The following CELF2 variants were observed in gnomAD, a reference collection of about 807,000 sequenced individuals.
The protein encoded by CELF2 is CUGBP Elav-like family member 2.
A neutral mutation model predicts 62.6 loss-of-function variants in CELF2; 8 were observed. That is an observed-to-expected ratio of 0.13 (90% confidence interval 0.07 to 0.23). CELF2 has a LOEUF of 0.23. CELF2 is among the 10% of genes least tolerant of loss of function. CELF2 has a pLI of 1.00. For missense variants in CELF2, 333 were observed against 671.0 expected, an observed-to-expected ratio of 0.50 and a Z score of 5.56; for synonymous variants, 258 against 250.0, an observed-to-expected ratio of 1.03 and a Z score of -0.30.
rs1405745517 is a variant in CELF2 at position 11,148,069 on chromosome 10, C to T, written c.75-17417C>T. On this transcript the variant is annotated intron_variant, in intron 1 of 12. Transcript: ENST00000633077. ...CTTGTTTATTTGCATAAATGAACAG[C>T]CATGAAAGTGACCCCAGTCCGGCAA... is the stretch of plus-strand genomic sequence containing the variant. Among the ~76,000 whole-genome samples, 4 of 152,220 alleles carry T rather than the reference C, an allele frequency of 2.6e-5. No homozygotes were observed. In the East Asian group the frequency reaches 5.8e-4, roughly 22 times the overall value.
chr10:11,013,711 C>T (rs148274115), upstream of CELF2, among the ~76,000 whole-genome samples: 287 of 152,210 alleles, frequency 1.9e-3, 1 homozygote, highest in Non-Finnish European at 3.4e-3. The surrounding 1 kb of genome is among the most constrained non-coding windows in gnomAD (Gnocchi z 4.1). Flanking sequence ...TTACTTAAAT[C>T]GCCTTAGAAA....
At chr10:10,804,286 T>TAAAC (rs748767792) in intron 1 of CELF2, among the ~76,000 whole-genome samples, 396 of 152,354 alleles carry the variant, frequency 2.6e-3, no homozygotes, top group Non-Finnish European at 4.6e-3. Flanking sequence ...AGATGGTATG[T>TAAAC]AAACAGCTTG....
intron 1 of CELF2, among the ~76,000 whole-genome samples, chr10:11,116,381 A>G (rs1205009631): frequency 6.6e-6 from 1 of 152,232 alleles, no homozygotes; most frequent in Admixed American, 6.5e-5. Flanking sequence ...TAACATGGTC[A>G]AGAAGCCTGT....
At chr10:10,792,682 T>C in the CELF2 span, among the ~76,000 whole-genome samples, 1 of 152,232 alleles carries the variant, frequency 6.6e-6, no homozygotes, top group East Asian at 1.9e-4. Flanking sequence ...GGTATTCCTT[T>C]GTCCCTGTGG....
At chr10:10,666,737 C>CT in the CELF2 span, among the ~76,000 whole-genome samples, 1 of 122,672 alleles carries the variant, frequency 8.2e-6, no homozygotes, top group East Asian at 2.1e-4. Context: ...TAGCGGGCGC[C>CT]TGTAGTCCCA....
intron 1 of CELF2, among the ~76,000 whole-genome samples, chr10:10,913,500 C>T (rs968352268): frequency 5.9e-5 from 8 of 136,512 alleles, no homozygotes; most frequent in Non-Finnish European, 1.1e-4. Flanking sequence ...AAGCGATTCT[C>T]CTGCCTCAGC....
At chr10:10,558,504 G>C in the CELF2 span, among the ~76,000 whole-genome samples, 339 of 145,684 alleles carry the variant, frequency 2.3e-3, no homozygotes, top group African/African-American at 9.4e-3. Context: ...CTCTTTTTTT[G>C]TTGTGTCTCT....
At chr10:10,490,296 C>A in the CELF2 span, among the ~76,000 whole-genome samples, 1 of 152,086 alleles carries the variant, frequency 6.6e-6, no homozygotes, top group Non-Finnish European at 1.5e-5. Context: ...TTAAGGCTTG[C>A]AAAATTGTCA....
chr10:11,063,471 T>C (rs1181393959), intron 1 of CELF2, among the ~76,000 whole-genome samples: 2 of 152,246 alleles, frequency 1.3e-5, no homozygotes, highest in Non-Finnish European at 1.5e-5. Context: ...TTGAAAGCAT[T>C]GCTGTGTGCT....
chr10:11,022,081 A>C (rs1456349374), intron 1 of CELF2, among the ~76,000 whole-genome samples: 2 of 152,260 alleles, frequency 1.3e-5, no homozygotes, highest in Non-Finnish European at 2.9e-5. Context: ...TAGAAAATGC[A>C]GTTATAAATA....
chr10:11,234,276 G>A (rs2070125417), intron 3 of CELF2, among the ~76,000 whole-genome samples: 1 of 152,158 alleles, frequency 6.6e-6, no homozygotes, highest in South Asian at 2.1e-4. Flanking sequence ...AGGGAACATT[G>A]TCAGAGCCCG....
rs1251266046 is a variant in CELF2 at position 11,329,173 on chromosome 10, C to T, written c.*120C>T. The T allele has an allele frequency of 5.4e-6, 6 of 1,112,620 alleles. No homozygotes were observed. The Admixed American group carries it at 7.9e-5, about 15-fold the overall frequency. The allele number at this position is 1,112,620 out of a possible 1,614,324, so 68.9% of individuals were successfully genotyped here. A position where few individuals can be genotyped will look rare whatever the true frequency, so the allele number is the denominator to read the frequency against. On this transcript the variant is annotated 3_prime_UTR_variant, in exon 13 of 13. Coordinates refer to ENST00000633077, the MANE Select transcript of CELF2 (RefSeq NM_001326342.2). The surrounding 1 kb of genome is among the most constrained non-coding windows in gnomAD (Gnocchi z 5.5). ...CATTGCCAACTTTTACCAAGAGAGACGGTTATTTTTACAATAAGGCCTCCA... is the reference window on the plus strand; with the variant it reads ...CATTGCCAACTTTTACCAAGAGAGATGGTTATTTTTACAATAAGGCCTCCA...
intron 1 of CELF2, among the ~76,000 whole-genome samples, chr10:10,883,378 A>G (rs2061554552): frequency 6.6e-6 from 1 of 152,184 alleles, no homozygotes; most frequent in Admixed American, 6.5e-5. Flanking sequence ...GTGTTCCAAA[A>G]TTTTCTATCC....
intron 1 of CELF2, among the ~76,000 whole-genome samples, chr10:11,096,885 C>T (rs1256183256): frequency 3.3e-5 from 5 of 152,178 alleles, no homozygotes; most frequent in African/African-American, 1.2e-4. Flanking sequence ...CTATACTTGA[C>T]CTTAATCTGA....
chr10:11,326,651 C>T (rs984695785), intron 12 of CELF2, among the ~76,000 whole-genome samples: 1 of 152,182 alleles, frequency 6.6e-6, no homozygotes, highest in Non-Finnish European at 1.5e-5. Context: ...ATGTTTTACA[C>T]CAGGACAATA....
At chr10:10,941,132 A>T (rs2047002150) in intron 2 of CELF2, among the ~76,000 whole-genome samples, 1 of 152,242 alleles carries the variant, frequency 6.6e-6, no homozygotes, top group African/African-American at 2.4e-5. Flanking sequence ...GCAAAGGGTT[A>T]ATAAGTTAGA....
rs1415762657 is a variant in CELF2 at position 10,990,765 on chromosome 10, A to T, written c.89+70766A>T. On this transcript the variant is annotated intron_variant, in intron 2 of 13. Coordinates refer to the CELF2 transcript ENST00000636488. This position sits in a 1 kb window ranked among gnomAD's most constrained non-coding sequence, Gnocchi z 4.6. ...CTGCCTGAGATAGCCAGGAAAGAGG[A>T]TTCAATAAGATGCTCAGAAATGTAC... is the stretch of plus-strand genomic sequence containing the variant. Among the ~76,000 whole-genome samples, 1 of 152,210 alleles carries T rather than the reference A, an allele frequency of 6.6e-6. No individual in the cohort carries two copies. Among genetic ancestry groups the T allele is most frequent in the East Asian group, 1.9e-4 (1 of 5,200 alleles).
the CELF2 span, among the ~76,000 whole-genome samples, chr10:10,540,251 T>A: frequency 6.6e-6 from 1 of 152,132 alleles, no homozygotes; most frequent in Non-Finnish European, 1.5e-5. Context: ...GCATCAGCCA[T>A]CCACTCACAG....
chr10:10,712,535 T>C, the CELF2 span, among the ~76,000 whole-genome samples: 3 of 152,142 alleles, frequency 2.0e-5, no homozygotes, highest in African/African-American at 7.2e-5. Context: ...CTCTTCTGAG[T>C]GATTGCATCT....
Sources: gnomAD v4.1 joint callset for allele counts (sites outside exome capture counted in the v4.1 genomes callset) on GRCh38, gnomAD v4.1.1 for gene constraint, Gnocchi (gnomAD v3.1) non-coding constraint, MANE v1.5 for transcripts, NCBI Gene and HGNC (gene_info 2026-07-23, HGNC 2026-07-21) for gene names.